The following DMD variants were observed in gnomAD, a reference collection of about 807,000 sequenced individuals.
DMD encodes dystrophin.
Under a neutral mutation model 330.1 loss-of-function variants are expected in DMD, and 63 were observed. The ratio of observed to expected loss-of-function variants is 0.19; its 90% CI spans 0.16 to 0.24. The LOEUF is 0.24. DMD is among the 10% of genes least tolerant of loss of function. The pLI is 1.00. For missense variants in DMD, 3,344 were observed against 2,684.1 expected, an observed-to-expected ratio of 1.25 and a Z score of -5.43; for synonymous variants, 1,223 against 959.8, an observed-to-expected ratio of 1.27 and a Z score of -5.07.
intron 63 of DMD, among the ~76,000 whole-genome samples, chrX:31,257,773 C>T (rs922521835): frequency 1.8e-5 from 2 of 111,768 alleles, no homozygotes; most frequent in Admixed American, 9.4e-5. Context: ...GGCAAAACCC[C>T]GTCCCTAGTA....
At chrX:32,661,791 T>C (rs1290212426) in intron 9 of DMD, among the ~76,000 whole-genome samples, 2 of 111,200 alleles carry the variant, frequency 1.8e-5, no homozygotes, top group Non-Finnish European at 3.8e-5. Flanking sequence ...TATATAAAAA[T>C]AAAAAATGAA....
chrX:32,054,102 A>T (rs868370837), intron 44 of DMD, among the ~76,000 whole-genome samples: 27 of 89,764 alleles, frequency 3.0e-4, no homozygotes, highest in East Asian at 9.6e-4. Flanking sequence ...AGAGAGAGAG[A>T]GAGAGAGAGA....
At chrX:31,939,597 G>A (rs1665884978) in intron 45 of DMD, among the ~76,000 whole-genome samples, 1 of 111,235 alleles carries the variant, frequency 9.0e-6, no homozygotes, top group South Asian at 3.8e-4. Flanking sequence ...ATTTTAGAGT[G>A]TTGTGAGGAT....
chrX:32,546,301 A>C (rs1229685623), intron 16 of DMD, among the ~76,000 whole-genome samples: 1 of 108,590 alleles, frequency 9.2e-6, no homozygotes, highest in Non-Finnish European at 1.9e-5. Context: ...ACTTATATGC[A>C]AGGTCTGTTT....
chrX:31,190,765 C>T (rs967447783), intron 67 of DMD, among the ~76,000 whole-genome samples: 1 of 110,096 alleles, frequency 9.1e-6, no homozygotes, highest in African/African-American at 3.3e-5. Flanking sequence ...AGAAACCCTG[C>T]CCCAATGTTA....
intron 11 of DMD, among the ~76,000 whole-genome samples, chrX:32,616,382 T>C (rs2057565752): frequency 9.0e-6 from 1 of 111,364 alleles, no homozygotes; most frequent in Non-Finnish European, 1.9e-5. Context: ...GATTTGTCTC[T>C]ATTCCTCCAT....
intron 27 of DMD, among the ~76,000 whole-genome samples, chrX:32,441,662 C>A (rs1023439027): frequency 2.2e-4 from 24 of 111,497 alleles, no homozygotes; most frequent in African/African-American, 7.4e-4. Context: ...ATCACTGTTA[C>A]CAGTATTCTG....
At chrX:33,261,908 C>T (rs2052962785) in intron 1 of DMD, among the ~76,000 whole-genome samples, 1 of 105,580 alleles carries the variant, frequency 9.5e-6, no homozygotes, top group Non-Finnish European at 1.9e-5. Flanking sequence ...TAAATAAAGG[C>T]CTAAAAAAGG....
intron 53 of DMD, among the ~76,000 whole-genome samples, chrX:31,669,801 G>A (rs1309053731): frequency 9.6e-6 from 1 of 103,781 alleles, no homozygotes; most frequent in Non-Finnish European, 2.0e-5. Context: ...TACATCCCTT[G>A]CATTTCAATA....
At chrX:32,592,581 A>AC (rs1264649334) in intron 13 of DMD, among the ~76,000 whole-genome samples, 1 of 111,315 alleles carries the variant, frequency 9.0e-6, no homozygotes. Flanking sequence ...CACCTTGCTC[A>AC]CCCTCCAGTT....
chrX:31,280,931 T>G (rs750010036), intron 62 of DMD, among the ~76,000 whole-genome samples: 1 of 112,354 alleles, frequency 8.9e-6, no homozygotes, highest in South Asian at 3.6e-4. Context: ...GATTTTATTT[T>G]TTGGAGAGCT....
intron 1 of DMD, among the ~76,000 whole-genome samples, chrX:33,186,044 C>A (rs188868218): frequency 4.3e-3 from 477 of 111,446 alleles, no homozygotes; most frequent in African/African-American, 0.015. Context: ...GGCGTGGGGC[C>A]AAACAGAGGG....
At chrX:32,047,981 G>A (rs1055547167) in intron 44 of DMD, among the ~76,000 whole-genome samples, 3 of 106,421 alleles carry the variant, frequency 2.8e-5, no homozygotes, top group Admixed American at 1.0e-4. Context: ...GAGTGGTCCC[G>A]CCTCCTAATA....
chrX:31,611,518 C>A (rs767745145), intron 55 of DMD, among the ~76,000 whole-genome samples: 1 of 111,824 alleles, frequency 8.9e-6, no homozygotes, highest in East Asian at 2.8e-4. Context: ...TACTTAAAAG[C>A]GAATAGGCTT....
chrX:32,721,258 T>A (rs2066278287), intron 7 of DMD, among the ~76,000 whole-genome samples: 1 of 111,037 alleles, frequency 9.0e-6, no homozygotes, highest in Admixed American at 9.6e-5. Flanking sequence ...AGTTCTATTT[T>A]TAACTTTTTG....
rs752161630 is a variant in DMD at position 32,915,280 on chromosome X, C to T, written c.94-65460G>A. On this transcript the variant is annotated intron_variant, in intron 2 of 78. Transcript: ENST00000357033. ...GAGTGGCACGAATGCAAGATTACAT[C>T]TTGTATTCTCTTAAAATTTTAATAT... 9.0e-5 allele frequency among the ~76,000 whole-genome samples: 10 copies of T among 111,160 alleles called. No individual in the cohort carries two copies. The East Asian group carries it at 2.0e-3, about 22-fold the overall frequency.
At chrX:31,688,512 G>A (rs916611415) in intron 52 of DMD, among the ~76,000 whole-genome samples, 2 of 111,390 alleles carry the variant, frequency 1.8e-5, no homozygotes, top group Admixed American at 9.5e-5. Context: ...AGGACCAGAC[G>A]GATTCACAGC....
chrX:31,716,242 TG>T, intron 52 of DMD, among the ~76,000 whole-genome samples: 2 of 112,398 alleles, frequency 1.8e-5, no homozygotes, highest in Non-Finnish European at 3.8e-5. Flanking sequence ...ACTCGAATGG[TG>T]TTTATTTTTT....
At chrX:31,689,962 A>C (rs1411998792) in intron 52 of DMD, among the ~76,000 whole-genome samples, 1 of 111,986 alleles carries the variant, frequency 8.9e-6, no homozygotes, top group East Asian at 2.8e-4. Context: ...CATATACAAA[A>C]ATTAATTCAA....
Sources: gnomAD v4.1 joint callset for allele counts (sites outside exome capture counted in the v4.1 genomes callset) on GRCh38, gnomAD v4.1.1 for gene constraint, MANE v1.5 for transcripts, NCBI Gene and HGNC (gene_info 2026-07-23, HGNC 2026-07-21) for gene names.